CNTNAP5: variants seen among roughly 807,000 people sequenced by gnomAD.
The protein encoded by CNTNAP5 is contactin associated protein family member 5, also known as contactin-associated protein-like 5.
CNTNAP5 carries 72 observed loss-of-function variants against 150.2 expected under a neutral mutation model. That is an observed-to-expected ratio of 0.48 (90% CI 0.40 to 0.58). CNTNAP5 has a LOEUF of 0.58. Ranked by LOEUF, CNTNAP5 falls within the 20% of genes least tolerant of loss-of-function variation. The pLI is 0.00. For missense variants in CNTNAP5, 1,636 were observed against 1,626.2 expected (o/e 1.01, Z -0.10); for synonymous variants, 672 against 619.8 (o/e 1.08, Z -1.25).
chr2:124,194,148 T>C (rs1428045047), intron 1 of CNTNAP5, among the ~76,000 whole-genome samples: 1 of 151,722 alleles, frequency 6.6e-6, no homozygotes, highest in Non-Finnish European at 1.5e-5. Flanking sequence ...ATCCCTTCAT[T>C]CCAAATCACC....
intron 13 of CNTNAP5, among the ~76,000 whole-genome samples, chr2:124,693,658 T>A (rs563794050): frequency 6.6e-6 from 1 of 152,198 alleles, no homozygotes; most frequent in East Asian, 1.9e-4. Flanking sequence ...GACACAGATG[T>A]ACCATAATGA....
chr2:124,844,794 A>C (rs1402016307), intron 19 of CNTNAP5, among the ~76,000 whole-genome samples: 3 of 152,118 alleles, frequency 2.0e-5, no homozygotes, highest in Non-Finnish European at 2.9e-5. Flanking sequence ...GCAGAGTAGC[A>C]GAGCTACTGA....
intron 12 of CNTNAP5, among the ~76,000 whole-genome samples, chr2:124,627,950 G>A (rs990470105): frequency 1.9e-4 from 29 of 152,160 alleles, no homozygotes; most frequent in African/African-American, 7.0e-4. Context: ...AACTGACCAA[G>A]TGGAAGAGAA....
chr2:124,154,440 G>A (rs72845529), intron 1 of CNTNAP5, among the ~76,000 whole-genome samples: 12,317 of 152,150 alleles, frequency 0.081, 701 homozygotes, highest in East Asian at 0.34. Flanking sequence ...ACTGGGAAAT[G>A]CGAAGGGCCA....
chr2:124,788,369 A>G (rs1183003316), intron 17 of CNTNAP5, among the ~76,000 whole-genome samples: 1 of 152,250 alleles, frequency 6.6e-6, no homozygotes, highest in Non-Finnish European at 1.5e-5. Context: ...TATCCTCAGC[A>G]GAAAGTTACA....
intron 21 of CNTNAP5, among the ~76,000 whole-genome samples, chr2:124,898,330 C>T (rs980394165): frequency 2.0e-5 from 3 of 151,230 alleles, no homozygotes; most frequent in Admixed American, 1.3e-4. Context: ...CTGTTTTTAG[C>T]GAATTTCTGA....
chr2:124,851,356 A>G (rs1310618000), intron 19 of CNTNAP5, among the ~76,000 whole-genome samples: 1 of 152,184 alleles, frequency 6.6e-6, no homozygotes, highest in Non-Finnish European at 1.5e-5. Context: ...AACTCCATCC[A>G]AAAAAAGAAA....
intron 1 of CNTNAP5, among the ~76,000 whole-genome samples, chr2:124,086,154 C>G (rs1682685104): frequency 6.9e-6 from 1 of 145,500 alleles, no homozygotes; most frequent in Admixed American, 6.8e-5. Flanking sequence ...TCAGTTATTT[C>G]ACATATTTTG....
At chr2:124,732,282 C>G (rs1255162240) in intron 13 of CNTNAP5, among the ~76,000 whole-genome samples, 1 of 152,030 alleles carries the variant, frequency 6.6e-6, no homozygotes, top group African/African-American at 2.4e-5. Flanking sequence ...TTTTCAGCAA[C>G]CAGGTTCTCT....
intron 21 of CNTNAP5, among the ~76,000 whole-genome samples, chr2:124,891,770 GT>G (rs1678200317): frequency 6.6e-6 from 1 of 152,014 alleles, no homozygotes; most frequent in South Asian, 2.1e-4. Flanking sequence ...AAATACAGTG[GT>G]GTTTATGGTT....
chr2:124,393,792 A>G (rs555704657), intron 3 of CNTNAP5, among the ~76,000 whole-genome samples: 3 of 152,324 alleles, frequency 2.0e-5, no homozygotes, highest in Admixed American at 2.0e-4. Context: ...GTCAGGCTGC[A>G]CCTCACCTGA....
chr2:124,042,786 C>G (rs1462273223), intron 1 of CNTNAP5, among the ~76,000 whole-genome samples: 1 of 86,842 alleles, frequency 1.2e-5, no homozygotes, highest in Non-Finnish European at 2.3e-5. Flanking sequence ...TCTCTATCAT[C>G]TATCTATCTA....
At chr2:124,749,751 G>T (rs1203843039) in intron 14 of CNTNAP5, among the ~76,000 whole-genome samples, 1 of 152,082 alleles carries the variant, frequency 6.6e-6, no homozygotes, top group Non-Finnish European at 1.5e-5. Context: ...CTTGATCTTT[G>T]CTCACTGTTT....
In CNTNAP5 at chr2:124,749,447, C is replaced by T. The variant is rs113062891; in HGVS notation, c.2234+2062C>T. ...TCTCTCTCTTTCTTTCTTCCTTAGA[C>T]GGAGTCTTGCTCTGTCGCCCAGGCT... On this transcript the variant is annotated intron_variant, in intron 14 of 23. Coordinates refer to ENST00000682447, the MANE Select transcript of CNTNAP5 (RefSeq NM_001367498.1). 3.4e-3 allele frequency among the ~76,000 whole-genome samples: 507 copies of T among 150,302 alleles called. 4 individuals carry two copies. Among genetic ancestry groups the T allele is most frequent in the African/African-American group, 0.012 (473 of 40,968 alleles).
intron 3 of CNTNAP5, among the ~76,000 whole-genome samples, chr2:124,278,263 T>G (rs1428518314): frequency 6.6e-6 from 1 of 152,190 alleles, no homozygotes; most frequent in Non-Finnish European, 1.5e-5. Flanking sequence ...TCTACTCATT[T>G]AATTAATTTC....
rs1218245560 is a variant in CNTNAP5 at position 124,837,011 on chromosome 2, A to G, written c.3218-28295A>G. Among the ~76,000 whole-genome samples, 3 of 152,104 alleles carry G rather than the reference A, an allele frequency of 2.0e-5. No homozygotes were observed. In the East Asian group the frequency reaches 5.8e-4, roughly 29 times the overall value. ...CCCTCACAACCCAAGGGCAAGAGTC[A>G]GCACCTCTCATCTTCCCCTGTGAGA... On this transcript the variant is annotated intron_variant, in intron 19 of 23. Transcript: ENST00000682447.
intron 3 of CNTNAP5, among the ~76,000 whole-genome samples, chr2:124,415,523 A>G (rs1340544327): frequency 6.6e-6 from 1 of 152,266 alleles, no homozygotes. Context: ...ATTTCATTAA[A>G]TAGACAAAAT....
intron 12 of CNTNAP5, among the ~76,000 whole-genome samples, chr2:124,616,810 A>T (rs28830495): frequency 2.1e-3 from 325 of 152,232 alleles, no homozygotes; most frequent in African/African-American, 7.4e-3. Flanking sequence ...CTCAGGGAGT[A>T]GGGAGGCCTA....
intron 11 of CNTNAP5, among the ~76,000 whole-genome samples, chr2:124,579,805 A>G: frequency 6.6e-6 from 1 of 152,206 alleles, no homozygotes; most frequent in East Asian, 1.9e-4. Context: ...TAAGGCCCTA[A>G]GTTTTGGTCA....
Sources: allele counts gnomAD v4.1 joint callset (sites outside exome capture counted in the v4.1 genomes callset), GRCh38; gene constraint gnomAD v4.1.1; transcripts MANE v1.5; gene names NCBI Gene and HGNC (gene_info 2026-07-23, HGNC 2026-07-21).